The following MAP3K4 variants were observed in gnomAD, a reference collection of about 807,000 sequenced individuals.
The protein encoded by MAP3K4 is MAP three kinase 1.
In MAP3K4, 67 loss-of-function variants were observed where a neutral mutation model predicts 185.6. The ratio of observed to expected loss-of-function variants is 0.36; its 90% CI spans 0.30 to 0.44. MAP3K4 has a LOEUF of 0.44. MAP3K4 is among the 20% of genes least tolerant of loss of function. The pLI is 1.00. For missense variants in MAP3K4, 1,551 were observed against 1,995.1 expected, an observed-to-expected ratio of 0.78 and a Z score of 4.24; for synonymous variants, 702 against 710.4, an observed-to-expected ratio of 0.99 and a Z score of 0.19.
In MAP3K4 at chr6:161,110,252, CTTGT is replaced by C. The variant is rs1383958312; in HGVS notation, c.4396+339_4396+342del. On this transcript the variant is annotated intron_variant, in intron 23 of 26. Coordinates refer to ENST00000392142, the MANE Select transcript of MAP3K4 (RefSeq NM_005922.4). This position sits in a 1 kb window ranked among gnomAD's most constrained non-coding sequence, Gnocchi z 4.8. ...CTTTTTTTTCTCTCGTGTCAGGATT[CTTGT>C]CTATTTATATATGAAAATCATGAAT... is the stretch of plus-strand genomic sequence containing the variant. Among the ~76,000 whole-genome samples the C allele has an allele frequency of 6.6e-6, 1 of 152,148 alleles. No individual in the cohort carries two copies. Among genetic ancestry groups the C allele is most frequent in the Non-Finnish European group, 1.5e-5 (1 of 68,046 alleles).
rs1306700269 is a variant in MAP3K4 at position 161,112,832 on chromosome 6, G to C, written c.4626+58G>C. The C allele has an allele frequency of 1.8e-6, 2 of 1,139,462 alleles. No homozygotes were observed. Among genetic ancestry groups the C allele is most frequent in the Non-Finnish European group, 2.4e-6 (2 of 819,810 alleles). The allele number at this position is 1,139,462 out of a possible 1,614,324, so 70.6% of individuals were successfully genotyped here. A position where few individuals can be genotyped will look rare whatever the true frequency, so the allele number is the denominator to read the frequency against. On this transcript the variant is annotated intron_variant, in intron 25 of 26. Coordinates refer to ENST00000392142, the MANE Select transcript of MAP3K4 (RefSeq NM_005922.4). This position sits in a 1 kb window ranked among gnomAD's most constrained non-coding sequence, Gnocchi z 5.1. Reference sequence around the variant, plus strand: ...TTCAGAAGGGCACTGTGCATTAACAGAACAGTAGTTATGGATTGATTATTT... The same window carrying C: ...TTCAGAAGGGCACTGTGCATTAACACAACAGTAGTTATGGATTGATTATTT...
At position 161,037,361 on chromosome 6, in the gene MAP3K4, T is replaced by G. The variant is rs898345177; in HGVS notation, c.343+2912T>G. On this transcript the variant is annotated intron_variant, in intron 2 of 26. Coordinates refer to ENST00000392142, the MANE Select transcript of MAP3K4 (RefSeq NM_005922.4). This position sits in a 1 kb window ranked among gnomAD's most constrained non-coding sequence, Gnocchi z 4.2. Reference sequence around the variant, plus strand: ...ATCTGTAAAATCATCTGCCTTATAGTGTTGTTAGGATTATGTATTCAGTAT... The same window carrying G: ...ATCTGTAAAATCATCTGCCTTATAGGGTTGTTAGGATTATGTATTCAGTAT... 6.6e-6 allele frequency among the ~76,000 whole-genome samples: 1 copy of G among 152,156 alleles called. No individual in the cohort carries two copies. Among genetic ancestry groups the G allele is most frequent in the Admixed American group, 6.5e-5 (1 of 15,280 alleles).
rs1226177502 is a variant in MAP3K4, at chr6:161,061,749, A to C, written c.1708-8859A>C. ...GAGACTGGCTTCTTTCATTTGCATA[A>C]TGTTTTCAAGGTTCATCCTTGCTGT... On this transcript the variant is annotated intron_variant, in intron 3 of 26. Coordinates refer to ENST00000392142, the MANE Select transcript of MAP3K4 (RefSeq NM_005922.4). The surrounding 1 kb of genome is among the most constrained non-coding windows in gnomAD (Gnocchi z 4.2). Among the ~76,000 whole-genome samples the C allele has an allele frequency of 6.6e-6, 1 of 152,150 alleles. No homozygotes were observed. The highest frequency in any genetic ancestry group is 1.5e-5 in the Non-Finnish European group (1 of 68,018).
rs1400952529 is a variant in MAP3K4 at position 161,063,947 on chromosome 6, C to T, written c.1708-6661C>T. ...GAACTGTTCATGGTTTTCCCACCAC[C>T]TCTTCTCTTTGGGGAGTCATGACCA... On this transcript the variant is annotated intron_variant, in intron 3 of 26. Coordinates refer to ENST00000392142, the MANE Select transcript of MAP3K4 (RefSeq NM_005922.4). This position sits in a 1 kb window ranked among gnomAD's most constrained non-coding sequence, Gnocchi z 5.4. 1.3e-5 allele frequency among the ~76,000 whole-genome samples: 2 copies of T among 152,148 alleles called. No individual in the cohort carries two copies. Among genetic ancestry groups the T allele is most frequent in the Non-Finnish European group, 2.9e-5 (2 of 68,028 alleles).
At chr6:161,005,267 T>C (rs192658575) in intron 1 of MAP3K4, among the ~76,000 whole-genome samples, 2 of 151,780 alleles carry the variant, frequency 1.3e-5, no homozygotes, top group East Asian at 1.9e-4. Context: ...GCCTCCCCAG[T>C]AGATGGAACT....
intron 3 of MAP3K4, among the ~76,000 whole-genome samples, chr6:161,065,898 A>G: frequency 7.7e-6 from 1 of 129,766 alleles, no homozygotes; most frequent in African/African-American, 2.8e-5. Context: ...AGATCGCGCC[A>G]CTGCACTCCA....
chr6:161,085,230 C>G (rs1785650713), intron 7 of MAP3K4, among the ~76,000 whole-genome samples: 1 of 151,718 alleles, frequency 6.6e-6, no homozygotes, highest in Non-Finnish European at 1.5e-5. Flanking sequence ...GTCTGGGATG[C>G]CTTTTATATT....
chr6:161,028,703 A>G (rs1182695184), intron 1 of MAP3K4, among the ~76,000 whole-genome samples: 1 of 152,030 alleles, frequency 6.6e-6, no homozygotes, highest in Non-Finnish European at 1.5e-5. Context: ...ATGAATTTTC[A>G]TTAAAAAACA....
intron 7 of MAP3K4, among the ~76,000 whole-genome samples, chr6:161,085,446 A>C (rs1785663783): frequency 6.6e-6 from 1 of 152,208 alleles, no homozygotes; most frequent in Non-Finnish European, 1.5e-5. Context: ...TGTGGTATAT[A>C]TATCAGGCGT....
At chr6:161,009,856 C>T (rs897662689) in intron 1 of MAP3K4, among the ~76,000 whole-genome samples, 1 of 151,930 alleles carries the variant, frequency 6.6e-6, no homozygotes, top group Admixed American at 6.6e-5. Context: ...CTTACTGGGG[C>T]CTGTCGGGGG....
At chr6:161,019,299 T>A (rs982592170) in intron 1 of MAP3K4, among the ~76,000 whole-genome samples, 4 of 152,202 alleles carry the variant, frequency 2.6e-5, no homozygotes, top group African/African-American at 7.2e-5. Flanking sequence ...TTAAAAATAG[T>A]TTTGTTCTTG....
At chr6:161,015,794 A>G (rs1380060460) in intron 1 of MAP3K4, among the ~76,000 whole-genome samples, 1 of 152,172 alleles carries the variant, frequency 6.6e-6, no homozygotes, top group Non-Finnish European at 1.5e-5. Flanking sequence ...TGAGGCTGGC[A>G]CCAAGTCATT....
At chr6:160,992,307 C>A (rs1204809532) in intron 1 of MAP3K4, 3 of 566,126 alleles carry the variant, frequency 5.3e-6, no homozygotes, top group African/African-American at 4.0e-5. Flanking sequence ...GGGTTCCGCT[C>A]GAGCGTGTTG....
In MAP3K4 at chr6:161,107,851, C is replaced by G; in HGVS notation, c.4049-48C>G. ...TATTACAAGTTTAAGGAATGTAAGA[C>G]AGCCCCCTGCAGTGGCTGGAAGTGC... On this transcript the variant is annotated intron_variant, in intron 20 of 26. Coordinates refer to ENST00000392142, the MANE Select transcript of MAP3K4 (RefSeq NM_005922.4). This position sits in a 1 kb window ranked among gnomAD's most constrained non-coding sequence, Gnocchi z 6.2. The G allele has an allele frequency of 7.7e-7, 1 of 1,299,736 alleles. No homozygotes were observed. The highest frequency in any genetic ancestry group is 1.1e-6 in the Non-Finnish European group (1 of 896,750). The allele number at this position is 1,299,736 out of a possible 1,614,324, so 80.5% of individuals were successfully genotyped here.
rs1016668993 is a variant in MAP3K4, at chr6:161,064,939, C to G, written c.1708-5669C>G. On this transcript the variant is annotated intron_variant, in intron 3 of 26. Transcript: ENST00000392142. The surrounding 1 kb of genome is among the most constrained non-coding windows in gnomAD (Gnocchi z 4.3). ...TCCAAGGTATTGTCCAAACAGGTTTCCCTCAGGAAGGTTTAATTGGTGGAT... is the reference window on the plus strand; with the variant it reads ...TCCAAGGTATTGTCCAAACAGGTTTGCCTCAGGAAGGTTTAATTGGTGGAT... Among the ~76,000 whole-genome samples, 4 of 152,132 alleles carry G rather than the reference C, an allele frequency of 2.6e-5. No individual in the cohort carries two copies. The highest frequency in any genetic ancestry group is 4.4e-5 in the Non-Finnish European group (3 of 68,030).
In MAP3K4 at chr6:161,070,544, C is replaced by T; in HGVS notation, c.1708-64C>T. 6.9e-7 allele frequency: 1 copy of T among 1,455,990 alleles called. No homozygotes were observed. Among genetic ancestry groups the T allele is most frequent in the Non-Finnish European group, 9.4e-7 (1 of 1,069,036 alleles). The allele number at this position is 1,455,990 out of a possible 1,614,324, so 90.2% of individuals were successfully genotyped here. On this transcript the variant is annotated intron_variant, in intron 3 of 26. Coordinates refer to ENST00000392142, the MANE Select transcript of MAP3K4 (RefSeq NM_005922.4). This position sits in a 1 kb window ranked among gnomAD's most constrained non-coding sequence, Gnocchi z 4.5. Reference sequence around the variant, plus strand: ...CATTGTAGAGAATAAGAGTTTATAACCACAACCGTAGAACGTTGTCTCGTA... The same window carrying T: ...CATTGTAGAGAATAAGAGTTTATAATCACAACCGTAGAACGTTGTCTCGTA...
chr6:161,113,190 A>G (rs988796646), intron 25 of MAP3K4, among the ~76,000 whole-genome samples: 1 of 152,206 alleles, frequency 6.6e-6, no homozygotes, highest in African/African-American at 2.4e-5. Flanking sequence ...TGAGCTTTAG[A>G]TAAAAAGAAA....
Position 161,111,903 on chromosome 6 carries a change from C to A in MAP3K4, c.4464C>A (p.Leu1488=), listed in dbSNP as rs377024063. ...KLGDFGCSVK[L]KNNAQTMPGE... is the part of the protein sequence containing the mutation. ...GAGATTTTGGATGTTCAGTAAAGCT[C>A]AAAAACAATGCCCAGACCATGCCTG... Residue 1488 remains leucine, a synonymous_variant, in exon 24 of 27, where the codon CTC becomes CTA. Transcript: ENST00000392142. 228 of 1,614,012 alleles carry A rather than the reference C, an allele frequency of 1.4e-4. 1 individual carries two copies. The highest frequency in any genetic ancestry group is 1.7e-4 in the Non-Finnish European group (200 of 1,180,004).
In MAP3K4 at chr6:161,049,964, C is replaced by T. The variant is rs374992811; in HGVS notation, c.1692C>T (p.Asn564=). Residue 564 remains asparagine, a synonymous_variant, in exon 3 of 27, where the codon AAC becomes AAT. Transcript: ENST00000392142. This position sits in a 1 kb window ranked among gnomAD's most constrained non-coding sequence, Gnocchi z 8.4. ...LQRARIALVK[N]DRPVEFSEFP... ...GGGCACGTATAGCATTGGTAAAGAACGATCGTCCAGTGGAGGTAGGTTTCC... is the reference window on the plus strand; with the variant it reads ...GGGCACGTATAGCATTGGTAAAGAATGATCGTCCAGTGGAGGTAGGTTTCC... The T allele has an allele frequency of 1.2e-5, 19 of 1,608,496 alleles. No individual in the cohort carries two copies. Among genetic ancestry groups the T allele is most frequent in the Admixed American group, 5.0e-5 (3 of 59,410 alleles).
Sources: gnomAD v4.1 joint callset for allele counts (sites outside exome capture counted in the v4.1 genomes callset) on GRCh38, gnomAD v4.1.1 for gene constraint, Gnocchi (gnomAD v3.1) non-coding constraint, MANE v1.5 for transcripts, NCBI Gene and HGNC (gene_info 2026-07-23, HGNC 2026-07-21) for gene names.